CADM1: variants seen among roughly 807,000 people sequenced by gnomAD.
The protein encoded by CADM1 is cell adhesion molecule 1.
A neutral mutation model predicts 53.1 loss-of-function variants in CADM1; 15 were observed. That is an observed-to-expected ratio of 0.28 (90% confidence interval 0.19 to 0.44). CADM1 has a LOEUF of 0.44. Ranked by LOEUF, CADM1 falls within the 20% of genes least tolerant of loss-of-function variation. The pLI is 1.00. For synonymous variants in CADM1, 281 were observed against 243.0 expected, an observed-to-expected ratio of 1.16 and a Z score of -1.45; for missense variants, 434 against 611.3, an observed-to-expected ratio of 0.71 and a Z score of 3.06.
At chr11:115,248,737 T>C (rs771102736) in intron 1 of CADM1, among the ~76,000 whole-genome samples, 53 of 152,056 alleles carry the variant, frequency 3.5e-4, no homozygotes, top group Non-Finnish European at 7.4e-4. Flanking sequence ...GAAGATAGGA[T>C]AACCCTGAAG....
At chr11:115,214,857 G>A in intron 6 of CADM1, 77 bp from the exon 7 acceptor site, 3 of 1,361,300 alleles carry the variant, frequency 2.2e-6, no homozygotes, top group Non-Finnish European at 3.2e-6. Context: ...CATGCAGGGT[G>A]ACACAATTAA....
At chr11:115,271,483 C>T (rs1157822284) in intron 1 of CADM1, among the ~76,000 whole-genome samples, 3 of 152,162 alleles carry the variant, frequency 2.0e-5, no homozygotes, top group Admixed American at 1.3e-4. Context: ...ACGGTTTCAC[C>T]GTGTTAGCCA....
intron 1 of CADM1, among the ~76,000 whole-genome samples, chr11:115,484,581 T>C (rs1949328315): frequency 6.6e-6 from 1 of 152,222 alleles, no homozygotes; most frequent in African/African-American, 2.4e-5. Flanking sequence ...GAACTGGCTC[T>C]TTCTAGTTCC....
chr11:115,503,079 C>A (rs1179998893), intron 1 of CADM1, among the ~76,000 whole-genome samples: 1 of 152,172 alleles, frequency 6.6e-6, no homozygotes, highest in South Asian at 2.1e-4. Flanking sequence ...TCGGTCCCGG[C>A]GCCCGCCTGG....
chr11:115,378,981 T>C (rs778748497), intron 1 of CADM1, among the ~76,000 whole-genome samples: 2 of 152,208 alleles, frequency 1.3e-5, no homozygotes, highest in Non-Finnish European at 2.9e-5. Context: ...AATCCTGATA[T>C]TTAGTAATTT....
At chr11:115,342,915 A>T (rs1344007395) in intron 1 of CADM1, among the ~76,000 whole-genome samples, 2 of 152,186 alleles carry the variant, frequency 1.3e-5, no homozygotes, top group East Asian at 3.9e-4. Context: ...TGTAAAGATT[A>T]AAGACCTTGT....
At chr11:115,434,678 C>T (rs1026659797) in intron 1 of CADM1, among the ~76,000 whole-genome samples, 10 of 152,022 alleles carry the variant, frequency 6.6e-5, no homozygotes, top group Non-Finnish European at 1.5e-4. Flanking sequence ...ACTTGGTCAC[C>T]ATCAGCCCTT....
intron 1 of CADM1, among the ~76,000 whole-genome samples, chr11:115,451,129 A>G (rs1948562785): frequency 6.6e-6 from 1 of 152,232 alleles, no homozygotes; most frequent in Admixed American, 6.5e-5. Context: ...CACATATGCT[A>G]GAGCAATTTC....
intron 3 of CADM1, among the ~76,000 whole-genome samples, chr11:115,232,832 A>G (rs1176843428): frequency 6.6e-6 from 1 of 152,238 alleles, no homozygotes; most frequent in Non-Finnish European, 1.5e-5. Context: ...TGAATAAGCA[A>G]AGACAGTTCC....
intron 1 of CADM1, among the ~76,000 whole-genome samples, chr11:115,486,935 A>C (rs1195750207): frequency 1.3e-5 from 2 of 152,148 alleles, no homozygotes; most frequent in Non-Finnish European, 2.9e-5. Context: ...CGTGATCTGA[A>C]ATCTCAGCTC....
intron 1 of CADM1, among the ~76,000 whole-genome samples, chr11:115,353,052 T>C (rs965874932): frequency 3.3e-5 from 5 of 152,250 alleles, no homozygotes; most frequent in Admixed American, 6.5e-5. Flanking sequence ...CTTTGTGTTC[T>C]GGACTGAAAA....
chr11:115,431,146 G>A (rs543596785), intron 1 of CADM1, among the ~76,000 whole-genome samples: 1 of 152,184 alleles, frequency 6.6e-6, no homozygotes, highest in African/African-American at 2.4e-5. Context: ...CAGAAAAACT[G>A]GAAAACAGAT....
intron 5 of CADM1, among the ~76,000 whole-genome samples, chr11:115,226,191 G>T (rs1319710468): frequency 6.6e-6 from 1 of 152,056 alleles, no homozygotes; most frequent in East Asian, 1.9e-4. Context: ...TATAACAAAT[G>T]AAATGTGTAA....
intron 3 of CADM1, among the ~76,000 whole-genome samples, chr11:115,235,491 G>A (rs1179642362): frequency 6.6e-6 from 1 of 152,156 alleles, no homozygotes; most frequent in Admixed American, 6.5e-5. Context: ...CTAAGGAGGT[G>A]CATATAGATG....
At chr11:115,498,075 A>C (rs1356370803) in intron 1 of CADM1, among the ~76,000 whole-genome samples, 1 of 152,182 alleles carries the variant, frequency 6.6e-6, no homozygotes, top group Non-Finnish European at 1.5e-5. Flanking sequence ...GAAGCATTCC[A>C]ACATTTCTAG....
chr11:115,364,696 G>T (rs544382266), intron 1 of CADM1, among the ~76,000 whole-genome samples: 3 of 152,056 alleles, frequency 2.0e-5, no homozygotes, highest in Admixed American at 1.3e-4. Flanking sequence ...CACTTAAGTC[G>T]TTGACAGTTT....
intron 1 of CADM1, among the ~76,000 whole-genome samples, chr11:115,475,087 C>T (rs1184811115): frequency 2.6e-5 from 4 of 152,108 alleles, no homozygotes; most frequent in Non-Finnish European, 1.5e-5. Context: ...CCTTCTCACA[C>T]CCAAATCCTC....
chr11:115,405,470 T>C (rs1257312044), intron 1 of CADM1, among the ~76,000 whole-genome samples: 2 of 152,180 alleles, frequency 1.3e-5, no homozygotes, highest in African/African-American at 2.4e-5. Flanking sequence ...GGTGTTACCC[T>C]AGAGAAATTC....
At chr11:115,295,197 T>C (rs139049855) in intron 1 of CADM1, among the ~76,000 whole-genome samples, 5 of 152,240 alleles carry the variant, frequency 3.3e-5, no homozygotes, top group Non-Finnish European at 7.4e-5. Flanking sequence ...AACTCCATGT[T>C]GACAATAGAG....
Sources: gnomAD v4.1 joint callset for allele counts (sites outside exome capture counted in the v4.1 genomes callset) on GRCh38, gnomAD v4.1.1 for gene constraint, MANE v1.5 for transcripts, NCBI Gene and HGNC (gene_info 2026-07-23, HGNC 2026-07-21) for gene names.